Variants in PRSS54 observed in about 807,000 individuals in gnomAD.
PRSS54 encodes the protein serine protease 54, also known as inactive serine protease 54.
PRSS54 carries 16 observed loss-of-function variants against 19.9 expected under a neutral mutation model. That is an observed-to-expected ratio of 0.80 (90% CI 0.54 to 1.22). The LOEUF is 1.22. Ranked by LOEUF, PRSS54 falls within the 50% of genes most tolerant of loss-of-function variation. PRSS54 has a pLI of 0.00. For synonymous variants in PRSS54, 177 were observed against 195.8 expected (o/e 0.90, Z 0.80); for missense variants, 444 against 494.8 (o/e 0.90, Z 0.97).
At chr16:58,282,213 G>T (rs1596895082) in intron 6 of PRSS54, 7 of 152,098 alleles carry the variant, frequency 4.6e-5, no homozygotes, top group Admixed American at 3.9e-4. Context: ...CACCATGTTG[G>T]CCAGGCTGGT....
intron 4 of PRSS54, among the ~76,000 whole-genome samples, chr16:58,289,575 C>CTT (rs11371804): frequency 0.047 from 6,850 of 146,048 alleles, 208 homozygotes; most frequent in African/African-American, 0.08. Flanking sequence ...TTACTACATA[C>CTT]TTTTTTTTTT....
intron 1 of PRSS54, among the ~76,000 whole-genome samples, chr16:58,294,626 C>T (rs188924753): frequency 6.2e-4 from 94 of 152,226 alleles, no homozygotes; most frequent in African/African-American, 2.2e-3. Flanking sequence ...GTGATCCACC[C>T]GCCTCAGTCT....
intron 5 of PRSS54, chr16:58,285,321 C>T (rs1820238): frequency 0.1 from 16,133 of 156,412 alleles, 921 homozygotes; most frequent in Admixed American, 0.13. Flanking sequence ...GACAATCAGC[C>T]GTAGTTCGGG....
At chr16:58,285,812 A>G in intron 5 of PRSS54, 125 bp downstream of exon 5, 1 of 1,107,436 alleles carries the variant, frequency 9.0e-7, no homozygotes, top group Non-Finnish European at 1.3e-6. Flanking sequence ...TAAGGGTTTC[A>G]GCCAAACTCT....
chr16:58,284,616 T>A lies in PRSS54; in HGVS notation c.628A>T (p.Lys210Ter). Residue 210 changes from lysine to a stop codon, truncating the protein, a stop_gained, in exon 6 of 7, where the codon AAA becomes TAA. Coordinates refer to ENST00000567164, the MANE Select transcript of PRSS54 (RefSeq NM_001305173.2). LOFTEE classifies it low-confidence loss of function (END_TRUNC). ...LQKTECGSHT[K>*]EETKTACLGD... ...AAGCAGGCAGTCTTGGTTTCCTCTT[T>A]CGTGTGGCTGCCGCATTCTGTCTTC... is the stretch of plus-strand genomic sequence containing the variant. 1 of 1,614,012 alleles carries A rather than the reference T, an allele frequency of 6.2e-7. No individual in the cohort carries two copies.
intron 5 of PRSS54, 48 bp from the exon 6 acceptor site, chr16:58,284,769 C>G: frequency 6.2e-7 from 1 of 1,609,740 alleles, no homozygotes; most frequent in East Asian, 2.2e-5. Flanking sequence ...AGAAGGCAGT[C>G]CCCTATGTCA....
rs760962948 is a variant in PRSS54 at position 58,280,331 on chromosome 16, C to T, written c.1081G>A (p.Gly361Arg). ...AAAATCCTACCTTCCCCCACCTCCC[C>T]ACCGTAATAGTCATAGTATAAGGGT... ...VQPLYYDYYG[G>R]EVGEGRIFAG... The change falls in exon 7 of 7, where the codon GGG (glycine) becomes AGG (arginine). Residue 361 changes from glycine to arginine, a missense_variant. By Grantham distance (125) the Gly-to-Arg change is moderately radical (BLOSUM62 -2). Coordinates refer to ENST00000567164, the MANE Select transcript of PRSS54 (RefSeq NM_001305173.2). 14 of 1,614,058 alleles carry T rather than the reference C, an allele frequency of 8.7e-6. No individual in the cohort carries two copies. In the African/African-American group the frequency reaches 1.9e-4, roughly 22 times the overall value.
In PRSS54 at chr16:58,280,308, A is replaced by G. The variant is rs1260503446; in HGVS notation, c.1104T>C (p.Ile368=). ...YYGGEVGEGR[I]FAGQNRLYQP... ...GATACAACCTGTTCTGACCTGCAAAAATCCTACCTTCCCCCACCTCCCCAC... is the reference window on the plus strand; with the variant it reads ...GATACAACCTGTTCTGACCTGCAAAGATCCTACCTTCCCCCACCTCCCCAC... The change falls in exon 7 of 7, where the codon ATT becomes ATC. Residue 368 remains isoleucine (I), a synonymous_variant. Transcript: ENST00000567164. 1 of 1,613,956 alleles carries G rather than the reference A, an allele frequency of 6.2e-7. No individual in the cohort carries two copies. The highest frequency in any genetic ancestry group is 1.3e-5 in the African/African-American group (1 of 74,898).
rs1965032471 is a variant in PRSS54, at chr16:58,291,156, C to A, written c.86-20G>T. 2 of 1,610,820 alleles carry A rather than the reference C, an allele frequency of 1.2e-6. No homozygotes were observed. Among genetic ancestry groups the A allele is most frequent in the Non-Finnish European group, 1.7e-6 (2 of 1,178,832 alleles). ...CACAACCTGCGGAGCAGGTGCGGGG[C>A]CTCACTGCCGGGGCAAGGAGACCTC... On this transcript the variant is annotated intron_variant, in intron 3 of 6. Transcript: ENST00000567164.
In PRSS54 at chr16:58,294,006, G is replaced by T; in HGVS notation, c.-28C>A. On this transcript the variant is annotated 5_prime_UTR_variant, in exon 2 of 7. Transcript: ENST00000567164. ...TGACCTGTCTTATCCCTAGTGCTTG[G>T]TTCTGTGTGGTAAAGAGGCAGGACC... 1 of 605,104 alleles carries T rather than the reference G, an allele frequency of 1.7e-6. No homozygotes were observed. The highest frequency in any genetic ancestry group is 1.9e-5 in the South Asian group (1 of 52,010). The allele number at this position is 605,104 out of a possible 1,614,324, so 37.5% of individuals were successfully genotyped here. A position where few individuals can be genotyped will look rare whatever the true frequency, so the allele number is the denominator to read the frequency against.
At chr16:58,285,723 C>CAAAAAAA (rs1178010291) in intron 5 of PRSS54, among the ~76,000 whole-genome samples, 2 of 78,842 alleles carry the variant, frequency 2.5e-5, no homozygotes, top group Non-Finnish European at 4.7e-5. Context: ...GACCCTGTCT[C>CAAAAAAA]AAAAAAAAAA....
intron 4 of PRSS54, 76 bp from the exon 5 acceptor site, chr16:58,286,271 G>GT: frequency 1.3e-6 from 2 of 1,516,652 alleles, no homozygotes; most frequent in Admixed American, 3.4e-5. Context: ...TCCCATTTAA[G>GT]TTTTTTCAGC....
Position 58,290,842 on chromosome 16 carries a change from A to G in PRSS54, c.263+117T>C, listed in dbSNP as rs1965020575. On this transcript the variant is annotated intron_variant, in intron 4 of 6. Transcript: ENST00000567164. ...GACAGAGCAAGCGCTGAGCTGGTAA[A>G]AAGCCCTGTCCCCCCAGAATGCACC... 7.0e-6 allele frequency: 8 copies of G among 1,147,974 alleles called. 1 individual carries two copies. The South Asian group carries it at 1.2e-4, about 17-fold the overall frequency. 71.1% of individuals were successfully genotyped at this position (1,147,974 alleles called of 1,614,324 possible). A position where few individuals can be genotyped will look rare whatever the true frequency, so the allele number is the denominator to read the frequency against.
intron 2 of PRSS54, 77 bp downstream of exon 2, chr16:58,293,908 A>G: frequency 8.9e-7 from 1 of 1,121,442 alleles, no homozygotes; most frequent in South Asian, 1.3e-5. Flanking sequence ...CTCTTCCCAA[A>G]CACACATGTT....
At chr16:58,288,685 G>A (rs747854726) in intron 4 of PRSS54, among the ~76,000 whole-genome samples, 48 of 152,138 alleles carry the variant, frequency 3.2e-4, no homozygotes, top group Admixed American at 5.2e-4. Context: ...GAAATAATGC[G>A]TGTACAAGTA....
At chr16:58,292,612 G>A (rs1035623399) in intron 3 of PRSS54, among the ~76,000 whole-genome samples, 1 of 152,180 alleles carries the variant, frequency 6.6e-6, no homozygotes, top group Admixed American at 6.5e-5. Context: ...TGACTTTGCT[G>A]GAACAATGAC....
At position 58,280,189 on chromosome 16, in the gene PRSS54, A is replaced by T; in HGVS notation, c.*35T>A. 6.4e-7 allele frequency: 1 copy of T among 1,568,558 alleles called. No individual in the cohort carries two copies. ...TGAATGCCTGGCACTCAGCATTCTC[A>T]GTTTACTCTTCAGTTTGGTGGGGTA... On this transcript the variant is annotated 3_prime_UTR_variant, in exon 7 of 7. Transcript: ENST00000567164.
intron 4 of PRSS54, among the ~76,000 whole-genome samples, chr16:58,287,764 T>A (rs1436541990): frequency 1.3e-5 from 2 of 152,108 alleles, no homozygotes; most frequent in Admixed American, 6.5e-5. Flanking sequence ...TGGACTTGAG[T>A]GACAAAGAAG....
At chr16:58,283,877 C>T (rs1596898848) in intron 6 of PRSS54, 2 of 152,246 alleles carry the variant, frequency 1.3e-5, no homozygotes, top group Admixed American at 1.3e-4. Context: ...CTCTAAAAAT[C>T]CTGCCTTTCT....
Sources: allele counts gnomAD v4.1 joint callset (sites outside exome capture counted in the v4.1 genomes callset), GRCh38; gene constraint gnomAD v4.1.1; transcripts MANE v1.5; gene names NCBI Gene and HGNC (gene_info 2026-07-23, HGNC 2026-07-21).